Variants in MOV10L1 observed in about 807,000 individuals in gnomAD.
The protein encoded by MOV10L1 is Mov10 like RNA helicase 1.
MOV10L1 carries 110 observed loss-of-function variants against 143.8 expected under a neutral mutation model. That is an observed-to-expected ratio of 0.76 (90% CI 0.66 to 0.90). The LOEUF is 0.90. Ranked by LOEUF, MOV10L1 falls within the 40% of genes least tolerant of loss-of-function variation. The probability of loss-of-function intolerance (pLI) is 0.00; values close to 1 mark genes in which losing one functional copy is unlikely to be tolerated. For synonymous variants in MOV10L1, 593 were observed against 581.1 expected, an observed-to-expected ratio of 1.02 and a Z score of -0.29; for missense variants, 1,406 against 1,526.8, an observed-to-expected ratio of 0.92 and a Z score of 1.32.
chr22:50,123,283 C>G (rs571904880), intron 10 of MOV10L1, among the ~76,000 whole-genome samples: 47 of 150,348 alleles, frequency 3.1e-4, no homozygotes, highest in African/African-American at 1.1e-3. Context: ...ATGTGTGTTG[C>G]TACAGTAATT....
At chr22:50,112,584 C>T (rs114268317) in intron 5 of MOV10L1, among the ~76,000 whole-genome samples, 2,553 of 152,330 alleles carry the variant, frequency 0.017, 74 homozygotes, top group African/African-American at 0.059. Context: ...CACAGCATTT[C>T]CCCACTGAGG....
At chr22:50,113,840 A>G (rs181708584) in intron 6 of MOV10L1, 52 bp downstream of exon 6, 7 of 1,422,822 alleles carry the variant, frequency 4.9e-6, no homozygotes, top group African/African-American at 2.9e-5. Flanking sequence ...TGGCTTTTAC[A>G]CTATGACTCA....
chr22:50,133,930 A>C (rs912089486), intron 13 of MOV10L1, 77 bp from the exon 14 acceptor site: 1 of 1,229,458 alleles, frequency 8.1e-7, no homozygotes. Context: ...TGTATCATAA[A>C]ATTTTCATTA....
intron 3 of MOV10L1, among the ~76,000 whole-genome samples, chr22:50,104,531 G>A (rs746810612): frequency 2.0e-5 from 3 of 152,166 alleles, no homozygotes; most frequent in East Asian, 1.9e-4. Context: ...ACTGGTACAC[G>A]TTTGAGAAGG....
At chr22:50,099,064 A>G (rs1158444990) in intron 2 of MOV10L1, among the ~76,000 whole-genome samples, 1 of 152,180 alleles carries the variant, frequency 6.6e-6, no homozygotes, top group Non-Finnish European at 1.5e-5. Flanking sequence ...TGGTTTGATA[A>G]TATTTCATTG....
chr22:50,144,783 G>T (rs537549063), intron 18 of MOV10L1, among the ~76,000 whole-genome samples: 31 of 152,006 alleles, frequency 2.0e-4, no homozygotes, highest in Non-Finnish European at 2.9e-4. Flanking sequence ...GAGTTTCACC[G>T]TGTTAGCCAG....
rs963463389 is a variant in MOV10L1 at position 50,146,992 on chromosome 22, A to C, written c.2627+1182A>C. On this transcript the variant is annotated intron_variant, in intron 19 of 26. Transcript: ENST00000262794. ...GAGCCGTGTGTGGCTACCGGATTGG[A>C]CAGCACGGATCTGAACAAGACAGGG... 4.1e-6 allele frequency: 6 copies of C among 1,466,654 alleles called. No homozygotes were observed. The Admixed American group carries it at 1.2e-4, about 29-fold the overall frequency. The allele number at this position is 1,466,654 out of a possible 1,614,324, so 90.9% of individuals were successfully genotyped here.
intron 3 of MOV10L1, among the ~76,000 whole-genome samples, chr22:50,105,331 T>C (rs9617024): frequency 0.23 from 34,278 of 152,150 alleles, 4,209 homozygotes; most frequent in Admixed American, 0.35. Context: ...TCTGTCATTC[T>C]TTTCATGTGT....
At chr22:50,133,979 T>G in intron 13 of MOV10L1, 28 bp from the exon 14 acceptor site, 1 of 1,598,274 alleles carries the variant, frequency 6.3e-7, no homozygotes. Flanking sequence ...GTAAGGTTAG[T>G]TATTTTATGT....
intron 19 of MOV10L1, 175 bp from the exon 20 acceptor site, chr22:50,149,440 A>C: frequency 1.7e-6 from 1 of 604,072 alleles, no homozygotes; most frequent in Non-Finnish European, 2.9e-6. Flanking sequence ...ATCTCCTGAC[A>C]CCTGTGGCCT....
At chr22:50,147,202 G>A (rs2063177322) in intron 19 of MOV10L1, 1 of 1,315,764 alleles carries the variant, frequency 7.6e-7, no homozygotes. Context: ...GAGGCACTCT[G>A]TGCAGAAGCA....
intron 19 of MOV10L1, among the ~76,000 whole-genome samples, chr22:50,147,522 C>G (rs1271957208): frequency 3.9e-4 from 37 of 96,018 alleles, no homozygotes; most frequent in South Asian, 1.3e-3. Flanking sequence ...GCAGGCCGCT[C>G]TCTCAGAGGC....
chr22:50,103,284 T>C (rs539886925), intron 3 of MOV10L1, among the ~76,000 whole-genome samples: 1 of 152,332 alleles, frequency 6.6e-6, no homozygotes, highest in Admixed American at 6.5e-5. Flanking sequence ...CTGAGGTTTG[T>C]AGACAACACA....
chr22:50,092,526 T>C (rs1462409839), intron 2 of MOV10L1, among the ~76,000 whole-genome samples: 1 of 151,666 alleles, frequency 6.6e-6, no homozygotes, highest in Non-Finnish European at 1.5e-5. Context: ...TAGTCCCAGC[T>C]ACATGGGAGG....
At chr22:50,138,254 A>G (rs1246011081) in intron 15 of MOV10L1, among the ~76,000 whole-genome samples, 1 of 152,240 alleles carries the variant, frequency 6.6e-6, no homozygotes, top group Non-Finnish European at 1.5e-5. Flanking sequence ...AGCAGAAAGA[A>G]CAGGCATCCG....
chr22:50,108,101 T>C, intron 3 of MOV10L1, 35 bp from the exon 4 acceptor site: 2 of 1,593,540 alleles, frequency 1.3e-6, no homozygotes, highest in Non-Finnish European at 1.7e-6. Flanking sequence ...TTGTGCACTT[T>C]AACACTACCA....
At chr22:50,157,719 GTATTTTCAAGATGAGAAGTAGC>G (rs2063461439) in intron 22 of MOV10L1, among the ~76,000 whole-genome samples, 1 of 144,364 alleles carries the variant, frequency 6.9e-6, no homozygotes. Context: ...CTAAGGAAGA[GTATTTTCAAGATGAGAAGTAGC>G]TATATCAAAG....
chr22:50,150,011 T>G (rs1202969869), intron 20 of MOV10L1, among the ~76,000 whole-genome samples: 1 of 152,232 alleles, frequency 6.6e-6, no homozygotes, highest in African/African-American at 2.4e-5. Context: ...GTTCAGTGCC[T>G]GGAGGGGCGG....
Position 50,161,477 on chromosome 22 carries a change from A to G in MOV10L1, c.*28A>G, listed in dbSNP as rs2063558871. On this transcript the variant is annotated 3_prime_UTR_variant, in exon 27 of 27. Coordinates refer to ENST00000262794, the MANE Select transcript of MOV10L1 (RefSeq NM_018995.3). ...TGCAGTGGCTGACAGCAGGGAGGCC[A>G]TGTGCTCAGCCTGGCCACGTTGCCG... 6.4e-7 allele frequency: 1 copy of G among 1,561,134 alleles called. No individual in the cohort carries two copies. Among genetic ancestry groups the G allele is most frequent in the Non-Finnish European group, 8.7e-7 (1 of 1,152,286 alleles).
Sources: gnomAD v4.1 joint callset for allele counts (sites outside exome capture counted in the v4.1 genomes callset) on GRCh38, gnomAD v4.1.1 for gene constraint, MANE v1.5 for transcripts, NCBI Gene and HGNC (gene_info 2026-07-23, HGNC 2026-07-21) for gene names.